Variants in CCDC63 observed in about 807,000 individuals in gnomAD.
The protein encoded by CCDC63 is coiled-coil domain-containing protein 63.
CCDC63 carries 54 observed loss-of-function variants against 63.6 expected under a neutral mutation model. The ratio of observed to expected loss-of-function variants is 0.85; its 90% CI spans 0.68 to 1.07. The LOEUF (loss-of-function observed/expected upper bound fraction) is 1.07, where lower values mean the gene tolerates loss of function less well. CCDC63 is among the 50% of genes least tolerant of loss of function. The pLI, the probability that CCDC63 is intolerant of heterozygous loss-of-function variation, is 0.00. For synonymous variants in CCDC63, 253 were observed against 266.1 expected (o/e 0.95, Z 0.48); for missense variants, 637 against 689.6 (o/e 0.92, Z 0.86).
At chr12:110,854,499 T>C (rs1037316070) in intron 3 of CCDC63, among the ~76,000 whole-genome samples, 2 of 152,008 alleles carry the variant, frequency 1.3e-5, no homozygotes, top group African/African-American at 4.8e-5. Flanking sequence ...TTCACCACGT[T>C]GGCCAGGCTG....
intron 5 of CCDC63, among the ~76,000 whole-genome samples, chr12:110,876,705 G>C (rs889953619): frequency 6.6e-6 from 1 of 151,778 alleles, no homozygotes; most frequent in East Asian, 1.9e-4. Context: ...AGCACTTTAC[G>C]TGGTCTTTTA....
intron 7 of CCDC63, among the ~76,000 whole-genome samples, chr12:110,881,523 C>T (rs940700796): frequency 6.6e-6 from 1 of 152,110 alleles, no homozygotes. Context: ...AATTTGAGAA[C>T]AGCCTGACCA....
At chr12:110,850,090 C>T (rs1023469698) in intron 1 of CCDC63, among the ~76,000 whole-genome samples, 38 of 152,338 alleles carry the variant, frequency 2.5e-4, no homozygotes, top group Middle Eastern at 3.4e-3. Context: ...AAGTTAATTT[C>T]GCATTTGTGT....
At chr12:110,883,840 A>T (rs1169914983) in intron 7 of CCDC63, among the ~76,000 whole-genome samples, 190 bp from the exon 8 acceptor site, 1 of 152,078 alleles carries the variant, frequency 6.6e-6, no homozygotes, top group Non-Finnish European at 1.5e-5. Context: ...GGGTTTCGCC[A>T]TGTTGGCTAG....
rs545371254 is a variant in CCDC63, at chr12:110,871,394, G to A, written c.370-2448G>A. Among the ~76,000 whole-genome samples the A allele has an allele frequency of 3.6e-3, 553 of 152,180 alleles. 2 individuals carry two copies. The highest frequency in any genetic ancestry group is 0.013 in the African/African-American group (537 of 41,492). ...CTGACCTCATGATCCACCTGCCTCG[G>A]ACTCCCAAAGTGCTGGGATTACAGG... is the stretch of plus-strand genomic sequence containing the variant. On this transcript the variant is annotated intron_variant, in intron 4 of 11. Coordinates refer to ENST00000308208, the MANE Select transcript of CCDC63 (RefSeq NM_152591.3).
rs1038181634 is a variant in CCDC63 at position 110,903,382 on chromosome 12, T to C, written c.1343-1206T>C. 9.3e-4 allele frequency among the ~76,000 whole-genome samples: 141 copies of C among 152,326 alleles called. 1 individual carries two copies. Among genetic ancestry groups the C allele is most frequent in the African/African-American group, 3.2e-3 (134 of 41,580 alleles). ...TAGTGTGAGGTTTATTCAAAAAACA[T>C]ACCCAAATCCAGTAGTTATTGAATC... is the stretch of plus-strand genomic sequence containing the variant. On this transcript the variant is annotated intron_variant, in intron 10 of 11. Transcript: ENST00000308208.
intron 4 of CCDC63, among the ~76,000 whole-genome samples, chr12:110,873,404 C>T (rs1172751760): frequency 2.6e-5 from 4 of 152,234 alleles, no homozygotes; most frequent in Admixed American, 2.6e-4. Flanking sequence ...CCACCCATTA[C>T]ATGCCACTAG....
At chr12:110,892,578 G>A (rs1043145012) in intron 8 of CCDC63, among the ~76,000 whole-genome samples, 5 of 152,184 alleles carry the variant, frequency 3.3e-5, no homozygotes, top group African/African-American at 9.6e-5. Flanking sequence ...TTTTCCAGAA[G>A]AGGCTGAGGC....
intron 8 of CCDC63, among the ~76,000 whole-genome samples, chr12:110,891,158 A>G (rs75426312): frequency 0.052 from 7,936 of 151,886 alleles, 702 homozygotes; most frequent in African/African-American, 0.18. Flanking sequence ...AAAAATGCAC[A>G]TTCCAGGCTG....
intron 4 of CCDC63, among the ~76,000 whole-genome samples, chr12:110,861,715 G>A (rs2070855713): frequency 6.7e-6 from 1 of 150,160 alleles, no homozygotes. Flanking sequence ...GGGACTATAG[G>A]TGCCTGGCTA....
chr12:110,901,724 C>G (rs975680537), intron 10 of CCDC63, among the ~76,000 whole-genome samples: 1 of 152,136 alleles, frequency 6.6e-6, no homozygotes, highest in Non-Finnish European at 1.5e-5. Flanking sequence ...ACATAATGAC[C>G]TCCAGTTCCA....
At position 110,873,836 on chromosome 12, in the gene CCDC63, T is replaced by C. The variant is rs767618848; in HGVS notation, c.370-6T>C. The C allele has an allele frequency of 6.2e-7, 1 of 1,612,534 alleles. No individual in the cohort carries two copies. The highest frequency in any genetic ancestry group is 1.1e-5 in the South Asian group (1 of 90,908). Reference sequence around the variant, plus strand: ...GCTGGAATTTCTCTCTCTCTCTCTTTTTCAGATTCTTCAGATGGAAAAAAA... The same window carrying C: ...GCTGGAATTTCTCTCTCTCTCTCTTCTTCAGATTCTTCAGATGGAAAAAAA... On this transcript the variant is annotated splice_region_variant and splice_polypyrimidine_tract_variant and intron_variant, in intron 4 of 11. Transcript: ENST00000308208.
chr12:110,879,176 G>A (rs1355665994), intron 5 of CCDC63, among the ~76,000 whole-genome samples: 4 of 152,084 alleles, frequency 2.6e-5, no homozygotes, highest in African/African-American at 9.7e-5. Context: ...ACAATACCTA[G>A]TCCATATTAA....
intron 11 of CCDC63, 127 bp downstream of exon 11, chr12:110,904,918 T>C (rs11065762): frequency 0.31 from 197,850 of 646,856 alleles, 31,739 homozygotes; most frequent in Admixed American, 0.35. Context: ...CTTTATGAGC[T>C]CTTGTGGCCT....
intron 6 of CCDC63, among the ~76,000 whole-genome samples, chr12:110,880,484 C>T (rs2071185386): frequency 6.6e-6 from 1 of 152,098 alleles, no homozygotes; most frequent in Admixed American, 6.6e-5. Flanking sequence ...GCTGGCTTCA[C>T]ACTCATAGGA....
Position 110,853,442 on chromosome 12 carries a change from A to G in CCDC63, c.47A>G (p.Gln16Arg). 1 of 1,613,930 alleles carries G rather than the reference A, an allele frequency of 6.2e-7. No individual in the cohort carries two copies. ...KNRRKDSDTP[Q>R]EPSEKAKEQQ... The stretch of plus-strand genomic sequence containing the variant: ...AGGAGAAAAGACTCCGACACTCCCC[A>G]GGAACCTTCGGAGAAGGCCAAAGAG... Residue 16 changes from glutamine to arginine, a missense_variant, in exon 3 of 12, where the codon CAG becomes CGG. Coordinates refer to ENST00000308208, the MANE Select transcript of CCDC63 (RefSeq NM_152591.3).
intron 1 of CCDC63, among the ~76,000 whole-genome samples, chr12:110,849,386 G>A (rs952800974): frequency 1.4e-4 from 21 of 152,130 alleles, no homozygotes; most frequent in African/African-American, 4.1e-4. Context: ...TAGGTGTGAC[G>A]GTGATATTTC....
chr12:110,855,868 A>G (rs772976766), intron 3 of CCDC63, among the ~76,000 whole-genome samples: 3 of 152,268 alleles, frequency 2.0e-5, no homozygotes, highest in Non-Finnish European at 4.4e-5. Flanking sequence ...GGCATGAGCC[A>G]CCGCACCAGG....
chr12:110,862,626 C>T (rs569275094), intron 4 of CCDC63, among the ~76,000 whole-genome samples: 13 of 152,296 alleles, frequency 8.5e-5, no homozygotes, highest in Middle Eastern at 6.8e-3. Context: ...AACAGGGAGC[C>T]GGAGCTGGAG....
Sources: gnomAD v4.1 joint callset for allele counts (sites outside exome capture counted in the v4.1 genomes callset) on GRCh38, gnomAD v4.1.1 for gene constraint, MANE v1.5 for transcripts, NCBI Gene and HGNC (gene_info 2026-07-23, HGNC 2026-07-21) for gene names.